The following CLCN2 variants were observed in gnomAD, a reference collection of about 807,000 sequenced individuals.
The protein encoded by CLCN2 is chloride voltage-gated channel 2.
A neutral mutation model predicts 108.3 loss-of-function variants in CLCN2; 72 were observed. The ratio of observed to expected loss-of-function variants is 0.66; its 90% CI spans 0.55 to 0.81. The LOEUF (loss-of-function observed/expected upper bound fraction) is 0.81, where lower values mean the gene tolerates loss of function less well. Among genes scored for constraint, CLCN2 ranks in the 30% least tolerant of loss-of-function variants. The probability of loss-of-function intolerance (pLI) is 0.00; values close to 1 mark genes in which losing one functional copy is unlikely to be tolerated. For missense variants in CLCN2, 1,048 were observed against 1,205.2 expected (o/e 0.87, Z 1.93); for synonymous variants, 471 against 467.1 (o/e 1.01, Z -0.11).
chr3:184,353,558 C>T (rs1728297737), intron 16 of CLCN2, 104 bp downstream of exon 16: 1 of 1,565,486 alleles, frequency 6.4e-7, no homozygotes, highest in African/African-American at 1.4e-5. Context: ...AGTGCTGGTC[C>T]ATTCCCTTTG....
In CLCN2 at chr3:184,346,919, GCCA is replaced by G; in HGVS notation, c.2502+13_2502+15del. 2.5e-6 allele frequency: 4 copies of G among 1,613,014 alleles called. No homozygotes were observed. Among genetic ancestry groups the G allele is most frequent in the Non-Finnish European group, 3.4e-6 (4 of 1,178,928 alleles). The stretch of plus-strand genomic sequence containing the variant: ...TTTTGGAAGTGGAGCAGCTTTGGAG[GCCA>G]CCATCACCTCACCTCCTTTAGAGTA... On this transcript the variant is annotated intron_variant, in intron 23 of 23. Transcript: ENST00000265593. The surrounding 1 kb of genome is among the most constrained non-coding windows in gnomAD (Gnocchi z 6.0).
chr3:184,355,820 C>T lies in CLCN2; in HGVS notation c.1086-42G>A, dbSNP rs938671824. On this transcript the variant is annotated intron_variant, in intron 10 of 23. Coordinates refer to ENST00000265593, the MANE Select transcript of CLCN2 (RefSeq NM_004366.6). The surrounding 1 kb of genome is among the most constrained non-coding windows in gnomAD (Gnocchi z 6.3). ...CACATCAGTCGTGGGTGGCCAAGGGCTGGGTGGCCTCGCATATCTCAGGGC... is the reference window on the plus strand; with the variant it reads ...CACATCAGTCGTGGGTGGCCAAGGGTTGGGTGGCCTCGCATATCTCAGGGC... 3 of 1,546,614 alleles carry T rather than the reference C, an allele frequency of 1.9e-6. No individual in the cohort carries two copies. Among genetic ancestry groups the T allele is most frequent in the Non-Finnish European group, 2.7e-6 (3 of 1,121,176 alleles).
chr3:184,354,812 CA>C, intron 13 of CLCN2, 91 bp downstream of exon 13: 16 of 1,492,854 alleles, frequency 1.1e-5, no homozygotes, highest in African/African-American at 1.4e-5. Context: ...AGGGCTGGAC[CA>C]AAAACCCGCT....
Position 184,346,365 on chromosome 3 carries a change from C to T in CLCN2, c.*241G>A. On this transcript the variant is annotated 3_prime_UTR_variant, in exon 24 of 24. Transcript: ENST00000265593. This position sits in a 1 kb window ranked among gnomAD's most constrained non-coding sequence, Gnocchi z 6.0. ...AGGGGGAGCAGGGGTCAAGTGACCC[C>T]AACCCATCCTGCCAGGGCAGGGCCT... 1 of 584,092 alleles carries T rather than the reference C, an allele frequency of 1.7e-6. No individual in the cohort carries two copies. Among genetic ancestry groups the T allele is most frequent in the Non-Finnish European group, 3.1e-6 (1 of 324,892 alleles). 36.2% of individuals were successfully genotyped at this position (584,092 alleles called of 1,614,324 possible).
chr3:184,358,163 C>T lies in CLCN2; in HGVS notation c.481+19G>A. 4 of 1,614,170 alleles carry T rather than the reference C, an allele frequency of 2.5e-6. No homozygotes were observed. Among genetic ancestry groups the T allele is most frequent in the Non-Finnish European group, 3.4e-6 (4 of 1,180,032 alleles). On this transcript the variant is annotated intron_variant, in intron 4 of 23. Coordinates refer to ENST00000265593, the MANE Select transcript of CLCN2 (RefSeq NM_004366.6). The stretch of plus-strand genomic sequence containing the variant: ...TTTCAGGGGTCCCGCCTCTGCCCTC[C>T]CCTTCTCTTCTAACATACCGACAGC...
chr3:184,352,441 A>T lies in CLCN2; in HGVS notation c.2271+2T>A, dbSNP rs751390414. 3 of 1,613,212 alleles carry T rather than the reference A, an allele frequency of 1.9e-6. No individual in the cohort carries two copies. Among genetic ancestry groups the T allele is most frequent in the Non-Finnish European group, 2.5e-6 (3 of 1,179,852 alleles). ...AGATGCTAGAAGAGCAGGCATACTTACTGCCAGGGAGATTCGGACACGCTT... is the reference window on the plus strand; with the variant it reads ...AGATGCTAGAAGAGCAGGCATACTTTCTGCCAGGGAGATTCGGACACGCTT... On this transcript the variant is annotated splice_donor_variant, in intron 20 of 23. Transcript: ENST00000265593. LOFTEE classifies it high-confidence loss of function.
chr3:184,356,696 G>C, intron 10 of CLCN2: 2 of 428,754 alleles, frequency 4.7e-6, no homozygotes, highest in Non-Finnish European at 4.3e-6. Context: ...GGGGGAACCT[G>C]AGGCTCAAAC....
chr3:184,349,690 C>T (rs1228822748), intron 22 of CLCN2: 1 of 152,210 alleles, frequency 6.6e-6, no homozygotes, highest in Admixed American at 6.5e-5. Flanking sequence ...TCACATGTTT[C>T]AAGTCCTTTA....
rs570244927 is a variant in CLCN2 at position 184,351,336 on chromosome 3, C to T, written c.2415+677G>A. Among the ~76,000 whole-genome samples the T allele has an allele frequency of 4.5e-4, 69 of 152,298 alleles. 1 individual carries two copies. The highest frequency in any genetic ancestry group is 4.4e-3 in the Admixed American group (67 of 15,304). On this transcript the variant is annotated intron_variant, in intron 22 of 23. Transcript: ENST00000265593. ...GCCATTTTACCAATGCAGGCTGCCC[C>T]CCTTAGGAGTCCTGGACGCAGAGAG...
At chr3:184,356,221 C>G in intron 10 of CLCN2, 1 of 253,328 alleles carries the variant, frequency 3.9e-6, no homozygotes, top group Non-Finnish European at 7.7e-6. Context: ...ACCAGAGGTG[C>G]GTAGGGAGCA....
chr3:184,351,902 C>T lies in CLCN2; in HGVS notation c.2415+111G>A, dbSNP rs1728126516. The stretch of plus-strand genomic sequence containing the variant: ...AAACATCTCCGCACTGAGCCAACTC[C>T]CTTCTCCTCCCTCCTTCCCCACTGG... On this transcript the variant is annotated intron_variant, in intron 22 of 23. Transcript: ENST00000265593. 5 of 826,616 alleles carry T rather than the reference C, an allele frequency of 6.0e-6. No homozygotes were observed. In the East Asian group the frequency reaches 1.2e-4, roughly 20 times the overall value. The allele number at this position is 826,616 out of a possible 1,614,324, so 51.2% of individuals were successfully genotyped here. A position where few individuals can be genotyped will look rare whatever the true frequency, so the allele number is the denominator to read the frequency against.
chr3:184,361,329 G>C lies in CLCN2; in HGVS notation c.63+88C>G. 7.5e-7 allele frequency: 1 copy of C among 1,340,788 alleles called. No individual in the cohort carries two copies. Among genetic ancestry groups the C allele is most frequent in the East Asian group, 2.3e-5 (1 of 43,638 alleles). The allele number at this position is 1,340,788 out of a possible 1,614,324, so 83.1% of individuals were successfully genotyped here. A position where few individuals can be genotyped will look rare whatever the true frequency, so the allele number is the denominator to read the frequency against. On this transcript the variant is annotated intron_variant, in intron 1 of 23. Coordinates refer to ENST00000265593, the MANE Select transcript of CLCN2 (RefSeq NM_004366.6). This position sits in a 1 kb window ranked among gnomAD's most constrained non-coding sequence, Gnocchi z 6.6. ...GCTCAAAATGCTAGGACAGGATTAG[G>C]GTAGGCCCCTGGTCCTCGCGCTTCC...
chr3:184,354,514 G>T (rs1276064388), intron 14 of CLCN2, 34 bp downstream of exon 14: 4 of 1,550,048 alleles, frequency 2.6e-6, no homozygotes, highest in Non-Finnish European at 3.6e-6. Context: ...GGGTGGGGGG[G>T]TCTCCCAAGG....
chr3:184,358,643 T>G (rs1403176403), intron 3 of CLCN2, 39 bp downstream of exon 3: 1 of 1,553,500 alleles, frequency 6.4e-7, no homozygotes, highest in Non-Finnish European at 8.7e-7. Flanking sequence ...ACGCAGGAGG[T>G]TTATTCCCAG....
chr3:184,353,612 C>A (rs1728301745), intron 16 of CLCN2, 50 bp downstream of exon 16: 1 of 1,608,476 alleles, frequency 6.2e-7, no homozygotes, highest in African/African-American at 1.3e-5. Flanking sequence ...CTTCCCGAAG[C>A]TTCGACCCTG....
At position 184,346,442 on chromosome 3, in the gene CLCN2, A is replaced by G. The variant is rs957217811; in HGVS notation, c.*164T>C. The G allele has an allele frequency of 1.3e-6, 1 of 761,222 alleles. No homozygotes were observed. Among genetic ancestry groups the G allele is most frequent in the Non-Finnish European group, 2.2e-6 (1 of 451,628 alleles). 47.2% of individuals were successfully genotyped at this position (761,222 alleles called of 1,614,324 possible). On this transcript the variant is annotated 3_prime_UTR_variant, in exon 24 of 24. Coordinates refer to ENST00000265593, the MANE Select transcript of CLCN2 (RefSeq NM_004366.6). The surrounding 1 kb of genome is among the most constrained non-coding windows in gnomAD (Gnocchi z 6.0). ...GCAGGTGGGTAGTGGGTCAGATTCC[A>G]GGTAGGATGAACTGGGAGAAGCTGG...
At position 184,355,687 on chromosome 3, in the gene CLCN2, TG is replaced by T. The variant is rs765468957; in HGVS notation, c.1170+6del. 25 of 1,613,818 alleles carry T rather than the reference TG, an allele frequency of 1.5e-5. No individual in the cohort carries two copies. On this transcript the variant is annotated splice_donor_region_variant and intron_variant, in intron 11 of 23. Transcript: ENST00000265593. The surrounding 1 kb of genome is among the most constrained non-coding windows in gnomAD (Gnocchi z 6.3). ...AAGCACAAAACTCCTGTTCTGCCTGTGGTTACCTGTCCAGCCATGAACTGTC... is the reference window on the plus strand; with the variant it reads ...AAGCACAAAACTCCTGTTCTGCCTGTGTTACCTGTCCAGCCATGAACTGTC...
rs752279839 is a variant in CLCN2, at chr3:184,354,668, G to A, written c.1397-10C>T. On this transcript the variant is annotated splice_polypyrimidine_tract_variant and intron_variant, in intron 13 of 23. Coordinates refer to ENST00000265593, the MANE Select transcript of CLCN2 (RefSeq NM_004366.6). ...CGCCCAAATGCTGCTCCTTCAGGGA[G>A]GGGGGTGGGAAGAGAAAGAGGCAGT... 6.7e-7 allele frequency: 1 copy of A among 1,490,162 alleles called. No individual in the cohort carries two copies. Among genetic ancestry groups the A allele is most frequent in the East Asian group, 3.0e-5 (1 of 32,988 alleles). The allele number at this position is 1,490,162 out of a possible 1,614,324, so 92.3% of individuals were successfully genotyped here. A position where few individuals can be genotyped will look rare whatever the true frequency, so the allele number is the denominator to read the frequency against.
intron 22 of CLCN2, among the ~76,000 whole-genome samples, chr3:184,351,688 G>A (rs574415539): frequency 6.6e-6 from 1 of 152,166 alleles, no homozygotes. Context: ...GGCTGTGGTG[G>A]CCTCCCGCCT....
Sources: allele counts gnomAD v4.1 joint callset (sites outside exome capture counted in the v4.1 genomes callset), GRCh38; gene constraint gnomAD v4.1.1; non-coding constraint Gnocchi (gnomAD v3.1); transcripts MANE v1.5; gene names NCBI Gene and HGNC (gene_info 2026-07-23, HGNC 2026-07-21).